The following EFCAB8 variants were observed in gnomAD, a reference collection of about 807,000 sequenced individuals.
EFCAB8 encodes EF-hand calcium binding domain 8.
In EFCAB8, 100 loss-of-function variants were observed where a neutral mutation model predicts 116.3. The observed-to-expected ratio is 0.86, with a 90% confidence interval of 0.73 to 1.02. The LOEUF is 1.02. Ranked by LOEUF, EFCAB8 falls within the 50% of genes least tolerant of loss-of-function variation. EFCAB8 has a pLI of 0.00. For missense variants in EFCAB8, 1,320 were observed against 1,416.9 expected (o/e 0.93, Z 1.10); for synonymous variants, 558 against 567.9 (o/e 0.98, Z 0.25).
Position 32,939,125 on chromosome 20 carries a change from C to CTCTTTCTT in EFCAB8, c.2791-4440_2791-4433dup, listed in dbSNP as rs56136077. Among the ~76,000 whole-genome samples, 485 of 56,442 alleles carry CTCTTTCTT rather than the reference C, an allele frequency of 8.6e-3. 14 individuals are homozygous for CTCTTTCTT. Among genetic ancestry groups the CTCTTTCTT allele is most frequent in the East Asian group, 0.034 (59 of 1,756 alleles). The allele number at this position is 56,442 out of a possible 152,430, so 37.0% of individuals were successfully genotyped here. A position where few individuals can be genotyped will look rare whatever the true frequency, so the allele number is the denominator to read the frequency against. ...CCTTCCTTTCTTTCTCTCTTTCTTT[C>CTCTTTCTT]TCTTTCTTTCTTTCTTTCTTTCTTT... On this transcript the variant is annotated intron_variant, in intron 22 of 26. Transcript: ENST00000400522.
At chr20:32,935,221 A>G (rs1244865167) in intron 22 of EFCAB8, among the ~76,000 whole-genome samples, 2 of 30,380 alleles carry the variant, frequency 6.6e-5, no homozygotes, top group Non-Finnish European at 1.4e-4. Flanking sequence ...TTTTTTTGAG[A>G]TGGCGTTTTG....
intron 1 of EFCAB8, among the ~76,000 whole-genome samples, 189 bp downstream of exon 1, chr20:32,859,195 A>G (rs1057109178): frequency 7.9e-5 from 12 of 152,092 alleles, no homozygotes; most frequent in African/African-American, 2.4e-4. Context: ...CATCCCTAGC[A>G]TGTTCCCCTA....
At chr20:32,862,007 G>T (rs984522944) in intron 1 of EFCAB8, among the ~76,000 whole-genome samples, 13 of 151,938 alleles carry the variant, frequency 8.6e-5, no homozygotes, top group African/African-American at 3.1e-4. Context: ...ATCACCTTAG[G>T]TCACTTTGTA....
intron 9 of EFCAB8, among the ~76,000 whole-genome samples, chr20:32,895,764 T>A (rs562593849): frequency 5.9e-5 from 9 of 151,992 alleles, no homozygotes; most frequent in Non-Finnish European, 1.3e-4. Flanking sequence ...AAAGACAGGG[T>A]TTCACTATGC....
intron 2 of EFCAB8, among the ~76,000 whole-genome samples, chr20:32,867,358 T>TA (rs1039830480): frequency 3.3e-5 from 5 of 152,206 alleles, no homozygotes; most frequent in African/African-American, 1.2e-4. Context: ...GTGGCATCTG[T>TA]AAAAAGGGAA....
At chr20:32,866,150 G>GAA in intron 2 of EFCAB8, among the ~76,000 whole-genome samples, 1 of 152,290 alleles carries the variant, frequency 6.6e-6, no homozygotes, top group South Asian at 2.1e-4. Context: ...TATCCACAGT[G>GAA]CTGTATCCAC....
intron 2 of EFCAB8, among the ~76,000 whole-genome samples, chr20:32,866,276 A>G (rs891729865): frequency 2.0e-5 from 3 of 152,122 alleles, no homozygotes; most frequent in African/African-American, 4.8e-5. Flanking sequence ...GAGCAATTTA[A>G]TCCCTTGTCT....
chr20:32,911,819 A>G, intron 16 of EFCAB8, 112 bp downstream of exon 16: 2 of 1,104,626 alleles, frequency 1.8e-6, no homozygotes, highest in Non-Finnish European at 1.3e-6. Flanking sequence ...GGTGTTCATC[A>G]TAGTCAGGTG....
intron 9 of EFCAB8, among the ~76,000 whole-genome samples, chr20:32,895,335 T>A (rs1986105305): frequency 9.2e-6 from 1 of 109,204 alleles, no homozygotes; most frequent in Non-Finnish European, 2.2e-5. Context: ...TTTTTTTTTT[T>A]ACATTTTGAG....
At chr20:32,864,951 G>T (rs1013085235) in intron 2 of EFCAB8, among the ~76,000 whole-genome samples, 4 of 152,212 alleles carry the variant, frequency 2.6e-5, no homozygotes, top group African/African-American at 9.7e-5. Context: ...GCCCTGCAGG[G>T]TAGGGACTGT....
intron 1 of EFCAB8, among the ~76,000 whole-genome samples, chr20:32,862,593 T>C (rs1984168373): frequency 6.6e-6 from 1 of 152,114 alleles, no homozygotes; most frequent in Non-Finnish European, 1.5e-5. Context: ...TTGGGTACCG[T>C]TCAGTCTTCT....
intron 20 of EFCAB8, among the ~76,000 whole-genome samples, chr20:32,927,432 C>T (rs982907389): frequency 5.3e-5 from 8 of 152,232 alleles, no homozygotes; most frequent in Admixed American, 5.2e-4. Flanking sequence ...GCAACCTCCG[C>T]CTCCCAAGTA....
Position 32,961,543 on chromosome 20 carries a change from G to C in EFCAB8, c.3801G>C (p.Arg1267=). The change falls in exon 27 of 27, where the codon CGG becomes CGC. Residue 1267 remains arginine, a synonymous_variant. Coordinates refer to ENST00000400522, the MANE Select transcript of EFCAB8 (RefSeq NM_001143967.2). ...TPKHIVSSFE[R]PPRPLKATFM... ...AGCACATTGTCTCCTCCTTCGAGCGGCCCCCAAGGCCTCTGAAGGCCACCT... is the reference window on the plus strand; with the variant it reads ...AGCACATTGTCTCCTCCTTCGAGCGCCCCCCAAGGCCTCTGAAGGCCACCT... 1 of 1,406,936 alleles carries C rather than the reference G, an allele frequency of 7.1e-7. No individual in the cohort carries two copies. Among genetic ancestry groups the C allele is most frequent in the South Asian group, 1.8e-5 (1 of 54,432 alleles). 87.2% of individuals were successfully genotyped at this position (1,406,936 alleles called of 1,614,324 possible).
chr20:32,929,562 G>A (rs1987813358), intron 20 of EFCAB8, among the ~76,000 whole-genome samples: 2 of 131,530 alleles, frequency 1.5e-5, no homozygotes, highest in Admixed American at 9.0e-5. Context: ...AGGCTGTCTC[G>A]ATCTCCTGGG....
chr20:32,911,543 A>G lies in EFCAB8; in HGVS notation c.1621A>G (p.Met541Val), dbSNP rs985804219. The G allele has an allele frequency of 1.3e-6, 2 of 1,530,614 alleles. No homozygotes were observed. Among genetic ancestry groups the G allele is most frequent in the Non-Finnish European group, 1.8e-6 (2 of 1,133,896 alleles). 94.8% of individuals were successfully genotyped at this position (1,530,614 alleles called of 1,614,324 possible). The change falls in exon 16 of 27, where the codon ATG (methionine) becomes GTG (valine). Residue 541 changes from methionine to valine, a missense_variant. Transcript: ENST00000400522. Reference protein sequence around the residue: ...VWEVVTGRKTMEFAVSGGQHV... With the variant: ...VWEVVTGRKTVEFAVSGGQHV... ...GGAGGTCGTGACGGGCAGGAAGACG[A>G]TGGAGTTTGCTGTGTCTGGGGGCCA...
intron 11 of EFCAB8, 60 bp downstream of exon 11, chr20:32,898,683 TGGACC>T: frequency 1.4e-6 from 1 of 702,094 alleles, no homozygotes; most frequent in Non-Finnish European, 2.7e-6. Context: ...GGGTGGTGAG[TGGACC>T]ATGGGGGCTG....
chr20:32,940,111 T>C (rs564166379), intron 22 of EFCAB8, among the ~76,000 whole-genome samples: 8 of 140,886 alleles, frequency 5.7e-5, no homozygotes, highest in African/African-American at 1.6e-4. Context: ...GGGATATAGA[T>C]AGTAAGAAAA....
chr20:32,910,957 CA>C (rs1986892701), intron 15 of EFCAB8, among the ~76,000 whole-genome samples: 1 of 152,076 alleles, frequency 6.6e-6, no homozygotes, highest in Admixed American at 6.5e-5. Context: ...AGGCTGGTCT[CA>C]AACTTCTGAC....
Position 32,930,402 on chromosome 20 carries a change from T to C in EFCAB8, c.2417T>C (p.Ile806Thr), listed in dbSNP as rs1568936543. 1.9e-5 allele frequency: 29 copies of C among 1,550,316 alleles called. No individual in the cohort carries two copies. Among genetic ancestry groups the C allele is most frequent in the Non-Finnish European group, 2.4e-5 (28 of 1,146,868 alleles). ...GGGCCCTCCTCTCTTCCTCAGATAATCTTCCTGCAGACCAGGCCTCGCCTG... is the reference window on the plus strand; with the variant it reads ...GGGCCCTCCTCTCTTCCTCAGATAACCTTCCTGCAGACCAGGCCTCGCCTG... ...VQSSASVEKI[I>T]FLQTRPRLPH... The change falls in exon 21 of 27, where the codon ATC (isoleucine) becomes ACC (threonine). Residue 806 changes from isoleucine (I) to threonine (T), a missense_variant. Coordinates refer to ENST00000400522, the MANE Select transcript of EFCAB8 (RefSeq NM_001143967.2).
Sources: gnomAD v4.1 joint callset for allele counts (sites outside exome capture counted in the v4.1 genomes callset) on GRCh38, gnomAD v4.1.1 for gene constraint, MANE v1.5 for transcripts, NCBI Gene and HGNC (gene_info 2026-07-23, HGNC 2026-07-21) for gene names.